HAPLN3: variants seen among roughly 807,000 people sequenced by gnomAD.
HAPLN3 encodes the protein extracellular link domain containing, 1.
HAPLN3 carries 28 observed loss-of-function variants against 28.1 expected under a neutral mutation model. The observed-to-expected ratio is 1.00, with a 90% CI of 0.74 to 1.37. HAPLN3 has a LOEUF of 1.37. Ranked by LOEUF, HAPLN3 falls within the 40% of genes most tolerant of loss-of-function variation. HAPLN3 has a pLI of 0.00. For synonymous variants in HAPLN3, 211 were observed against 213.1 expected, an observed-to-expected ratio of 0.99 and a Z score of 0.09; for missense variants, 513 against 504.6, an observed-to-expected ratio of 1.02 and a Z score of -0.16.
rs752556579 is a variant in HAPLN3 at position 88,880,626 on chromosome 15, G to A, written c.493+731C>T. On this transcript the variant is annotated intron_variant, in intron 3 of 4. Transcript: ENST00000359595. This position sits in a 1 kb window ranked among gnomAD's most constrained non-coding sequence, Gnocchi z 6.0. Reference sequence around the variant, plus strand: ...CAGCCCCATCCTAGAGACAGAGAAGGTAAATACAAATTAAAGATCAAACAG... The same window carrying A: ...CAGCCCCATCCTAGAGACAGAGAAGATAAATACAAATTAAAGATCAAACAG... 3 of 1,287,158 alleles carry A rather than the reference G, an allele frequency of 2.3e-6. No individual in the cohort carries two copies. The highest frequency in any genetic ancestry group is 3.0e-6 in the Non-Finnish European group (3 of 987,258). The allele number at this position is 1,287,158 out of a possible 1,614,324, so 79.7% of individuals were successfully genotyped here. A position where few individuals can be genotyped will look rare whatever the true frequency, so the allele number is the denominator to read the frequency against.
intron 1 of HAPLN3, among the ~76,000 whole-genome samples, chr15:88,892,498 G>A (rs1898039639): frequency 6.6e-6 from 1 of 151,820 alleles, no homozygotes; most frequent in Non-Finnish European, 1.5e-5. Context: ...TATAAGAAAA[G>A]ATCAGCCCTG....
rs778226416 is a variant in HAPLN3 at position 88,878,249 on chromosome 15, C to A, written c.804G>T (p.Val268=). 9.3e-6 allele frequency: 15 copies of A among 1,611,322 alleles called. No homozygotes were observed. The South Asian group carries it at 1.5e-4, about 17-fold the overall frequency. ...GCTTCTCAGGGTGCTCCAGGTAGTACACCCGCCCTGGGGGAAAGGGGGCGT... is the reference window on the plus strand; with the variant it reads ...GCTTCTCAGGGTGCTCCAGGTAGTAAACCCGCCCTGGGGGAAAGGGGGCGT... ...FCFATALKGR[V]YYLEHPEKLT... is the part of the protein sequence containing the mutation. Residue 268 remains valine (V), a synonymous_variant, in exon 5 of 5, where the codon GTG becomes GTT. Transcript: ENST00000359595.
In HAPLN3 at chr15:88,881,300, G is replaced by A. The variant is rs1897688044; in HGVS notation, c.493+57C>T. ...CACAGAGGTCTGGATGTTTTCTCTG[G>A]TCCTCTCCCCTCTGCTCTCAGGTCC... On this transcript the variant is annotated intron_variant, in intron 3 of 4. Transcript: ENST00000359595. This position sits in a 1 kb window ranked among gnomAD's most constrained non-coding sequence, Gnocchi z 6.0. 6.5e-7 allele frequency: 1 copy of A among 1,549,646 alleles called. No homozygotes were observed. Among genetic ancestry groups the A allele is most frequent in the Non-Finnish European group, 8.7e-7 (1 of 1,148,298 alleles).
intron 1 of HAPLN3, among the ~76,000 whole-genome samples, chr15:88,890,243 C>T (rs542999014): frequency 6.6e-6 from 1 of 152,324 alleles, no homozygotes; most frequent in Admixed American, 6.5e-5. Flanking sequence ...AAGGCCCAGA[C>T]CTGCCATCTG....
At chr15:88,893,184 G>A in intron 1 of HAPLN3, 3 of 685,528 alleles carry the variant, frequency 4.4e-6, no homozygotes, top group Non-Finnish European at 8.0e-6. Context: ...TGGGGAAGCT[G>A]AGGGGGTGGA....
At chr15:88,893,013 T>C (rs8024779) in intron 1 of HAPLN3, 717,910 of 1,527,578 alleles carry the variant, frequency 0.47, 173,248 homozygotes, top group African/African-American at 0.71. Flanking sequence ...TGGAGTCCTG[T>C]CTGGGCACTC....
chr15:88,877,985 G>C lies in HAPLN3; in HGVS notation c.1068C>G (p.Cys356Trp). The C allele has an allele frequency of 1.2e-6, 2 of 1,606,256 alleles. No individual in the cohort carries two copies. The highest frequency in any genetic ancestry group is 1.7e-6 in the Non-Finnish European group (2 of 1,175,360). ...DPQSRLYGVY[C>W]YRQH ...GCCCCAGGTCCTAGTGCTGGCGGTA[G>C]CAGTAAACACCGTACAAGCGGCTCT... Residue 356 changes from cysteine to tryptophan, a missense_variant, in exon 5 of 5, where the codon TGC becomes TGG. Cys to Trp is a radical substitution (Grantham distance 215, BLOSUM62 -2). Transcript: ENST00000359595. The surrounding 1 kb of genome is among the most constrained non-coding windows in gnomAD (Gnocchi z 5.1).
chr15:88,893,958 G>C (rs1035279489), intron 1 of HAPLN3, among the ~76,000 whole-genome samples: 2 of 149,310 alleles, frequency 1.3e-5, no homozygotes, highest in African/African-American at 2.5e-5. Context: ...GGGTGGGGGG[G>C]GCGGTCACGA....
At chr15:88,883,349 T>A (rs562311558) in intron 2 of HAPLN3, among the ~76,000 whole-genome samples, 2 of 152,356 alleles carry the variant, frequency 1.3e-5, no homozygotes, top group African/African-American at 4.8e-5. Flanking sequence ...AGTCAGGCAA[T>A]TCGGGCTTGC....
intron 1 of HAPLN3, among the ~76,000 whole-genome samples, chr15:88,893,715 G>A (rs1461334045): frequency 2.0e-5 from 3 of 151,996 alleles, no homozygotes; most frequent in Non-Finnish European, 2.9e-5. Flanking sequence ...ATCACCTGAG[G>A]TCAAGAGTTC....
rs184273850 is a variant in HAPLN3 at position 88,884,495 on chromosome 15, C to T, written c.124+2680G>A. Among the ~76,000 whole-genome samples the T allele has an allele frequency of 2.5e-3, 377 of 152,226 alleles. 2 individuals carry two copies. The highest frequency in any genetic ancestry group is 2.5e-3 in the Non-Finnish European group (170 of 68,026). On this transcript the variant is annotated intron_variant, in intron 2 of 4. Coordinates refer to ENST00000359595, the MANE Select transcript of HAPLN3 (RefSeq NM_178232.4). The stretch of plus-strand genomic sequence containing the variant: ...AGGAGAATGGCGTGAACCCAGGAGG[C>T]AGAGCTTGCAGTGAGCCGAGATCGC...
At chr15:88,891,872 G>C (rs891042979) in intron 1 of HAPLN3, among the ~76,000 whole-genome samples, 36 of 152,164 alleles carry the variant, frequency 2.4e-4, no homozygotes, top group African/African-American at 8.7e-4. Context: ...TCCACACCTG[G>C]AACCAGGAGG....
At chr15:88,887,026 G>A in intron 2 of HAPLN3, 149 bp downstream of exon 2, 1 of 839,904 alleles carries the variant, frequency 1.2e-6, no homozygotes, top group Non-Finnish European at 2.0e-6. Context: ...CCCTTCCCCT[G>A]TCTGAGAAGC....
At chr15:88,892,456 C>CA (rs748336874) in intron 1 of HAPLN3, among the ~76,000 whole-genome samples, 232 of 143,660 alleles carry the variant, frequency 1.6e-3, no homozygotes, top group East Asian at 7.8e-3. Context: ...AACTGCATCT[C>CA]AAAAAAAAAA....
Position 88,878,044 on chromosome 15 carries a change from G to T in HAPLN3, c.1009C>A (p.Pro337Thr). Residue 337 changes from proline (P) to threonine (T), a missense_variant, in exon 5 of 5, where the codon CCT becomes ACT. Physicochemically the swap from Pro to Thr is conservative, Grantham distance 38. Transcript: ENST00000359595. ...HPHPNCGPPE[P>T]GVRSFGFPDP... ...GGGAAGCCAAAGCTTCGGACCCCAG[G>T]CTCTGGGGGCCCACAGTTAGGATGC... The T allele has an allele frequency of 2.5e-6, 4 of 1,614,060 alleles. No individual in the cohort carries two copies. The Middle Eastern group carries it at 6.6e-4, about 266-fold the overall frequency.
At position 88,880,510 on chromosome 15, in the gene HAPLN3, T is replaced by C; in HGVS notation, c.493+847A>G. On this transcript the variant is annotated intron_variant, in intron 3 of 4. Coordinates refer to ENST00000359595, the MANE Select transcript of HAPLN3 (RefSeq NM_178232.4). The surrounding 1 kb of genome is among the most constrained non-coding windows in gnomAD (Gnocchi z 6.0). ...GGGGGATGAGGCATTTACCCACATG[T>C]CATAGCTGGGACGGGCTGGGGCTAA... is the stretch of plus-strand genomic sequence containing the variant. 7.8e-7 allele frequency: 1 copy of C among 1,275,510 alleles called. No homozygotes were observed. Among genetic ancestry groups the C allele is most frequent in the Non-Finnish European group, 1.0e-6 (1 of 977,170 alleles). The allele number at this position is 1,275,510 out of a possible 1,614,324, so 79.0% of individuals were successfully genotyped here.
intron 1 of HAPLN3, 96 bp from the exon 2 acceptor site, chr15:88,887,441 C>T: frequency 1.7e-6 from 2 of 1,152,980 alleles, no homozygotes; most frequent in Non-Finnish European, 2.4e-6. Context: ...TGCTCAACAG[C>T]TCACTGCGGG....
chr15:88,878,049 G>A lies in HAPLN3; in HGVS notation c.1004C>T (p.Pro335Leu), dbSNP rs1326432118. ...VVHPHPNCGP[P>L]EPGVRSFGFP... ...GCCAAAGCTTCGGACCCCAGGCTCT[G>A]GGGGCCCACAGTTAGGATGCGGGTG... The change falls in exon 5 of 5, where the codon CCA becomes CTA. Residue 335 changes from proline (P) to leucine (L), a missense_variant. By Grantham distance (98) the Pro-to-Leu change is moderately conservative. Coordinates refer to ENST00000359595, the MANE Select transcript of HAPLN3 (RefSeq NM_178232.4). 2 of 1,613,916 alleles carry A rather than the reference G, an allele frequency of 1.2e-6. No homozygotes were observed. The highest frequency in any genetic ancestry group is 2.2e-5 in the East Asian group (1 of 44,882).
chr15:88,881,129 C>A lies in HAPLN3; in HGVS notation c.493+228G>T. The A allele has an allele frequency of 1.7e-6, 1 of 586,526 alleles. No homozygotes were observed. The highest frequency in any genetic ancestry group is 3.0e-6 in the Non-Finnish European group (1 of 337,938). The allele number at this position is 586,526 out of a possible 1,614,324, so 36.3% of individuals were successfully genotyped here. ...GAGGCTGGGTGCTTGGGTTCAGACC[C>A]CAGCTCTGTCGTTTACAAGCTGTGT... On this transcript the variant is annotated intron_variant, in intron 3 of 4. Coordinates refer to ENST00000359595, the MANE Select transcript of HAPLN3 (RefSeq NM_178232.4). The surrounding 1 kb of genome is among the most constrained non-coding windows in gnomAD (Gnocchi z 6.0).
Sources: gnomAD v4.1 joint callset for allele counts (sites outside exome capture counted in the v4.1 genomes callset) on GRCh38, gnomAD v4.1.1 for gene constraint, Gnocchi (gnomAD v3.1) non-coding constraint, MANE v1.5 for transcripts, NCBI Gene and HGNC (gene_info 2026-07-23, HGNC 2026-07-21) for gene names.